Variants in PPFIBP1 observed in about 807,000 individuals in gnomAD.
PPFIBP1 encodes liprin-beta-1.
In PPFIBP1, 112 loss-of-function variants were observed where a neutral mutation model predicts 137.8. That is an observed-to-expected ratio of 0.81 (90% CI 0.70 to 0.95). The LOEUF is 0.95. Ranked by LOEUF, PPFIBP1 falls within the 40% of genes least tolerant of loss-of-function variation. The pLI, the probability that PPFIBP1 is intolerant of heterozygous loss-of-function variation, is 0.00. For synonymous variants in PPFIBP1, 378 were observed against 417.3 expected (o/e 0.91, Z 1.15); for missense variants, 1,083 against 1,196.6 (o/e 0.91, Z 1.40).
intron 2 of PPFIBP1, among the ~76,000 whole-genome samples, chr12:27,615,032 G>A (rs1478857658): frequency 6.6e-6 from 1 of 152,180 alleles, no homozygotes. Context: ...ATGAATAGGA[G>A]ATCCAGCCAC....
At chr12:27,669,215 T>C (rs999825439) in intron 13 of PPFIBP1, among the ~76,000 whole-genome samples, 7 of 152,222 alleles carry the variant, frequency 4.6e-5, no homozygotes, top group African/African-American at 1.7e-4. Flanking sequence ...GAAGAAAACA[T>C]TGAAAATTTC....
intron 1 of PPFIBP1, among the ~76,000 whole-genome samples, chr12:27,570,311 G>A (rs10771344): frequency 0.32 from 48,912 of 151,852 alleles, 9,089 homozygotes; most frequent in African/African-American, 0.5. Flanking sequence ...AAAATAGCTG[G>A]ATACTATTCT....
chr12:27,597,142 G>A (rs148128187), intron 2 of PPFIBP1, among the ~76,000 whole-genome samples: 2,678 of 152,274 alleles, frequency 0.018, 207 homozygotes, highest in Admixed American at 0.14. Flanking sequence ...TTTGGGGCAG[G>A]CCAAAATGAG....
intron 2 of PPFIBP1, among the ~76,000 whole-genome samples, chr12:27,628,486 G>A (rs576213349): frequency 1.3e-5 from 2 of 152,282 alleles, no homozygotes; most frequent in African/African-American, 4.8e-5. Flanking sequence ...GCCTTGGATG[G>A]TGAAGTTGTA....
chr12:27,604,855 C>T (rs1592790619), intron 2 of PPFIBP1, among the ~76,000 whole-genome samples: 1 of 152,140 alleles, frequency 6.6e-6, no homozygotes, highest in Non-Finnish European at 1.5e-5. Context: ...GCTGGGGAGG[C>T]CTCACAATCT....
At chr12:27,650,526 A>G (rs190610425) in intron 7 of PPFIBP1, among the ~76,000 whole-genome samples, 1 of 152,356 alleles carries the variant, frequency 6.6e-6, no homozygotes, top group African/African-American at 2.4e-5. Flanking sequence ...ATTATTTACT[A>G]TGTAATTGGA....
At chr12:27,529,136 A>G (rs923278417) in intron 1 of PPFIBP1, among the ~76,000 whole-genome samples, 2 of 152,220 alleles carry the variant, frequency 1.3e-5, no homozygotes, top group Non-Finnish European at 2.9e-5. Context: ...CATGTCTTAA[A>G]TATGGATCAT....
At position 27,682,450 on chromosome 12, in the gene PPFIBP1, T is replaced by G; in HGVS notation, c.2110T>G (p.Ser704Ala). 2 of 1,614,134 alleles carry G rather than the reference T, an allele frequency of 1.2e-6. No individual in the cohort carries two copies. The highest frequency in any genetic ancestry group is 2.2e-5 in the South Asian group (2 of 91,076). ...KLQLALQALG[S>A]EEETNHGKLD... ...CCAGCTAGCACTCCAAGCCCTGGGA[T>G]CTGAAGAAGAAACCAATCATGGGAA... The change falls in exon 23 of 30, where the codon TCT (serine) becomes GCT (alanine). Residue 704 changes from serine (S) to alanine (A), a missense_variant. Coordinates refer to ENST00000228425, the MANE Select transcript of PPFIBP1 (RefSeq NM_003622.4).
At position 27,590,687 on chromosome 12, in the gene PPFIBP1, G is replaced by A. The variant is rs561731161; in HGVS notation, c.-36+12448G>A. Among the ~76,000 whole-genome samples, 6 of 152,314 alleles carry A rather than the reference G, an allele frequency of 3.9e-5. No homozygotes were observed. In the East Asian group the frequency reaches 1.2e-3, roughly 29 times the overall value. ...TTGCCCAGTAGTAACCCTAGAGCAG[G>A]TTCTTTAAGGATGAGTTTCCCAGGC... On this transcript the variant is annotated intron_variant, in intron 2 of 29. Transcript: ENST00000228425.
intron 1 of PPFIBP1, among the ~76,000 whole-genome samples, chr12:27,567,776 A>G (rs1463305821): frequency 6.6e-6 from 1 of 152,206 alleles, no homozygotes; most frequent in African/African-American, 2.4e-5. Context: ...TAAAGTCTGG[A>G]AAGGTTGTTT....
intron 8 of PPFIBP1, 94 bp downstream of exon 8, chr12:27,654,908 A>G (rs2059100912): frequency 1.4e-6 from 2 of 1,453,710 alleles, no homozygotes; most frequent in Non-Finnish European, 1.8e-6. Flanking sequence ...TACTTAATGT[A>G]TGATAAAGAA....
chr12:27,667,543 T>C (rs901991905), intron 13 of PPFIBP1, among the ~76,000 whole-genome samples: 1 of 152,244 alleles, frequency 6.6e-6, no homozygotes, highest in Admixed American at 6.5e-5. Context: ...AAGAAGCAAC[T>C]GGAGAGGAGT....
intron 1 of PPFIBP1, among the ~76,000 whole-genome samples, chr12:27,560,021 G>A (rs1442045408): frequency 2.0e-5 from 3 of 152,204 alleles, no homozygotes; most frequent in Admixed American, 1.3e-4. Context: ...TCTACGTAAT[G>A]TTCTTCTGTG....
At position 27,550,992 on chromosome 12, in the gene PPFIBP1, T is replaced by TATATATATATA. The variant is rs1491167502; in HGVS notation, c.-124+26627_-124+26628insATATATATATA. Among the ~76,000 whole-genome samples, 540 of 88,916 alleles carry TATATATATATA rather than the reference T, an allele frequency of 6.1e-3. 1 individual carries two copies. The highest frequency in any genetic ancestry group is 8.3e-3 in the Non-Finnish European group (307 of 36,990). The allele number at this position is 88,916 out of a possible 152,430, so 58.3% of individuals were successfully genotyped here. A position where few individuals can be genotyped will look rare whatever the true frequency, so the allele number is the denominator to read the frequency against. Reference sequence around the variant, plus strand: ...GGCACTAATTTTATATATATATATATTTTTTTTTTTTTAACAAACGTGAAA... The same window carrying TATATATATATA: ...GGCACTAATTTTATATATATATATATATATATATATATTTTTTTTTTTTAACAAACGTGAAA... On this transcript the variant is annotated intron_variant, in intron 1 of 29. Coordinates refer to ENST00000228425, the MANE Select transcript of PPFIBP1 (RefSeq NM_003622.4).
intron 1 of PPFIBP1, among the ~76,000 whole-genome samples, chr12:27,551,239 C>T (rs1946747039): frequency 6.6e-6 from 1 of 152,070 alleles, no homozygotes; most frequent in African/African-American, 2.4e-5. Context: ...TCCAGGAGCA[C>T]CTAACCCAGC....
chr12:27,586,469 G>A (rs2051765185), intron 2 of PPFIBP1, among the ~76,000 whole-genome samples: 1 of 152,128 alleles, frequency 6.6e-6, no homozygotes, highest in South Asian at 2.1e-4. Flanking sequence ...AGGCCAAGGT[G>A]GGCAGATCAC....
chr12:27,594,434 T>C (rs1026575786), intron 2 of PPFIBP1, among the ~76,000 whole-genome samples: 2 of 152,164 alleles, frequency 1.3e-5, no homozygotes, highest in Admixed American at 1.3e-4. Context: ...CACCTTGGCC[T>C]CCCAAAATGC....
intron 1 of PPFIBP1, among the ~76,000 whole-genome samples, chr12:27,534,500 C>A (rs1944768647): frequency 6.6e-6 from 1 of 151,798 alleles, no homozygotes; most frequent in African/African-American, 2.4e-5. Flanking sequence ...CAAACTGACA[C>A]ATTTGCCAGA....
intron 1 of PPFIBP1, among the ~76,000 whole-genome samples, chr12:27,536,005 C>T (rs73089586): frequency 0.17 from 25,239 of 152,096 alleles, 2,334 homozygotes; most frequent in Middle Eastern, 0.26. Flanking sequence ...AGAGATAAAA[C>T]GCTAAGCCTC....
Sources: gnomAD v4.1 joint callset for allele counts (sites outside exome capture counted in the v4.1 genomes callset) on GRCh38, gnomAD v4.1.1 for gene constraint, MANE v1.5 for transcripts, NCBI Gene and HGNC (gene_info 2026-07-23, HGNC 2026-07-21) for gene names.